The following ZNF875 variants were observed in gnomAD, a reference collection of about 807,000 sequenced individuals.
The protein encoded by ZNF875 is HKR1, GLI-Kruppel zinc finger family member.
A neutral mutation model predicts 11.2 loss-of-function variants in ZNF875; 14 were observed. That is an observed-to-expected ratio of 1.26 (90% confidence interval 0.83 to 1.96). The LOEUF (loss-of-function observed/expected upper bound fraction) is 1.96, where lower values mean the gene tolerates loss of function less well. ZNF875 is among the 30% of genes most tolerant of loss of function. The pLI, the probability that ZNF875 is intolerant of heterozygous loss-of-function variation, is 0.00. For missense variants in ZNF875, 752 were observed against 760.4 expected (o/e 0.99, Z 0.13); for synonymous variants, 301 against 281.1 (o/e 1.07, Z -0.71).
In ZNF875 at chr19:37,362,395, T is replaced by C. The variant is rs756499218; in HGVS notation, c.543T>C (p.Pro181=). ...CTTCAAAGGCACTTTCCAGCCCACCTGAAGAACAACAGCCAGCACAGTCCA... is the reference window on the plus strand; with the variant it reads ...CTTCAAAGGCACTTTCCAGCCCACCCGAAGAACAACAGCCAGCACAGTCCA... ...NGTSKALSSP[P]EEQQPAQSKE... The change falls in exon 5 of 5, where the codon CCT becomes CCC. Residue 181 remains proline, a synonymous_variant. Transcript: ENST00000392153. 1.9e-6 allele frequency: 3 copies of C among 1,614,084 alleles called. No individual in the cohort carries two copies. In the Admixed American group the frequency reaches 5.0e-5, roughly 27 times the overall value.
chr19:37,325,404 GT>G (rs1298476338), intron 4 of ZNF875, among the ~76,000 whole-genome samples: 4 of 152,060 alleles, frequency 2.6e-5, no homozygotes, highest in African/African-American at 9.7e-5. Flanking sequence ...AGACACATAC[GT>G]CATTTTAGAT....
At position 37,362,184 on chromosome 19, in the gene ZNF875, T is replaced by G. The variant is rs200796429; in HGVS notation, c.332T>G (p.Val111Gly). The G allele has an allele frequency of 4.3e-6, 7 of 1,614,092 alleles. No homozygotes were observed. The East Asian group carries it at 1.3e-4, about 31-fold the overall frequency. The change falls in exon 5 of 5, where the codon GTG becomes GGG. Residue 111 changes from valine (V) to glycine (G), a missense_variant. By Grantham distance (109) the Val-to-Gly change is moderately radical (BLOSUM62 -3). Transcript: ENST00000392153. ...FSSQQALSQH[V>G]WLSHLSQLFS... The stretch of plus-strand genomic sequence containing the variant: ...AGTCAGCAAGCTCTCAGCCAACATG[T>G]GTGGCTGAGTCATCTCTCTCAGCTG...
intron 4 of ZNF875, among the ~76,000 whole-genome samples, chr19:37,327,216 C>A (rs1221381714): frequency 6.6e-6 from 1 of 151,820 alleles, no homozygotes; most frequent in Non-Finnish European, 1.5e-5. Context: ...TGGTTTTGAA[C>A]TCCTGACCTC....
chr19:37,362,515 A>G lies in ZNF875; in HGVS notation c.663A>G (p.Ser221=). The change falls in exon 5 of 5, where the codon TCA becomes TCG. Residue 221 remains serine, a synonymous_variant. Coordinates refer to ENST00000392153, the MANE Select transcript of ZNF875 (RefSeq NM_001353803.2). Reference sequence around the variant, plus strand: ...AAGTATTGCATGGTTTAGAAGTCTCAGGATTTGGAGAAATCAAATATGAAG... The same window carrying G: ...AAGTATTGCATGGTTTAGAAGTCTCGGGATTTGGAGAAATCAAATATGAAG... ...TDKVLHGLEV[S]GFGEIKYEEF... is the part of the protein sequence containing the mutation. 1 of 1,614,246 alleles carries G rather than the reference A, an allele frequency of 6.2e-7. No homozygotes were observed.
In ZNF875 at chr19:37,362,308, AGAATGGATT is replaced by A; in HGVS notation, c.457_465del (p.Glu153_Ile155del). 6.2e-7 allele frequency: 1 copy of A among 1,614,196 alleles called. No homozygotes were observed. The highest frequency in any genetic ancestry group is 8.5e-7 in the Non-Finnish European group (1 of 1,180,030). On this transcript the variant is annotated inframe_deletion, in exon 5 of 5. Coordinates refer to ENST00000392153, the MANE Select transcript of ZNF875 (RefSeq NM_001353803.2). ...ATCCATTCTGCTTTAGTGGCAAAGC[AGAATGGATT>A]CAAGAGGGAGAAGACTCCAGACTCC...
chr19:37,329,188 G>C (rs2033000129), intron 4 of ZNF875: 1 of 152,136 alleles, frequency 6.6e-6, no homozygotes, highest in South Asian at 2.1e-4. Flanking sequence ...GGATCCTCCT[G>C]GAATCCCTGA....
rs1265314323 is a variant in ZNF875, at chr19:37,344,854, G to A, written c.34-2336G>A. The A allele has an allele frequency of 5.6e-6, 5 of 900,744 alleles. 1 individual carries two copies. The highest frequency in any genetic ancestry group is 1.8e-5 in the Admixed American group (1 of 56,830). 55.8% of individuals were successfully genotyped at this position (900,744 alleles called of 1,614,324 possible). A position where few individuals can be genotyped will look rare whatever the true frequency, so the allele number is the denominator to read the frequency against. The stretch of plus-strand genomic sequence containing the variant: ...TGGGAGATTTTCAAGGGGTGTATGT[G>A]TGTATGTTCTGAGAAGGGGTTGTAA... On this transcript the variant is annotated intron_variant, in intron 2 of 4. Transcript: ENST00000392153.
upstream of ZNF875, among the ~76,000 whole-genome samples, chr19:37,330,710 T>C (rs1180240808): frequency 1.3e-5 from 2 of 151,946 alleles, no homozygotes; most frequent in Admixed American, 6.6e-5. Flanking sequence ...TCTTGGTTTT[T>C]AGTTTTATTC....
At chr19:37,325,474 C>T (rs1187847578) in intron 4 of ZNF875, among the ~76,000 whole-genome samples, 1 of 152,090 alleles carries the variant, frequency 6.6e-6, no homozygotes, top group Non-Finnish European at 1.5e-5. Context: ...TGTTTTATTT[C>T]ACCTAAAATG....
In ZNF875 at chr19:37,363,881, G is replaced by A. The variant is rs1363151772; in HGVS notation, c.*106G>A. ...GCTGTGGCTTTTTCAGCCATTGCTA[G>A]ATACCAAAGTGGAGACATTCTGTGT... On this transcript the variant is annotated 3_prime_UTR_variant, in exon 5 of 5. Coordinates refer to ENST00000392153, the MANE Select transcript of ZNF875 (RefSeq NM_001353803.2). 2 of 866,222 alleles carry A rather than the reference G, an allele frequency of 2.3e-6. No homozygotes were observed. Among genetic ancestry groups the A allele is most frequent in the East Asian group, 2.6e-5 (1 of 38,612 alleles). 53.7% of individuals were successfully genotyped at this position (866,222 alleles called of 1,614,324 possible).
chr19:37,349,731 A>C (rs1161142551), intron 4 of ZNF875, among the ~76,000 whole-genome samples: 1 of 151,886 alleles, frequency 6.6e-6, no homozygotes, highest in African/African-American at 2.4e-5. Context: ...CTCAGCTCAC[A>C]GCAACCTCTG....
At chr19:37,342,216 C>G (rs2035857013) in intron 2 of ZNF875, among the ~76,000 whole-genome samples, 1 of 152,144 alleles carries the variant, frequency 6.6e-6, no homozygotes. Flanking sequence ...TCGAACTTTA[C>G]TCTGAGTTTA....
intron 4 of ZNF875, among the ~76,000 whole-genome samples, chr19:37,359,188 C>G (rs949954675): frequency 6.6e-6 from 1 of 152,102 alleles, no homozygotes; most frequent in Admixed American, 6.5e-5. Context: ...CGTGAACCGC[C>G]GCACCTGGCC....
chr19:37,314,027 A>G (rs1222932846), upstream of ZNF875, among the ~76,000 whole-genome samples: 1 of 151,976 alleles, frequency 6.6e-6, no homozygotes, highest in African/African-American at 2.4e-5. Context: ...TTATTTATTT[A>G]TTTATTTTGG....
chr19:37,350,236 C>G (rs1000368159), intron 4 of ZNF875, among the ~76,000 whole-genome samples: 3 of 147,890 alleles, frequency 2.0e-5, no homozygotes, highest in Admixed American at 6.7e-5. Flanking sequence ...CTCAGCCTCC[C>G]GAGTAGCTGG....
rs765502082 is a variant in ZNF875, at chr19:37,363,013, A to C, written c.1161A>C (p.Thr387=). 2 of 1,614,260 alleles carry C rather than the reference A, an allele frequency of 1.2e-6. No individual in the cohort carries two copies. Among genetic ancestry groups the C allele is most frequent in the Non-Finnish European group, 1.7e-6 (2 of 1,180,048 alleles). Residue 387 remains threonine (T), a synonymous_variant, in exon 5 of 5, where the codon ACA becomes ACC. Transcript: ENST00000392153. ...CACACCTGGTCAGACACAAGAGGACACATTCAGGAGAGAAGCCTTACATTT... is the reference window on the plus strand; with the variant it reads ...CACACCTGGTCAGACACAAGAGGACCCATTCAGGAGAGAAGCCTTACATTT... ...QHSHLVRHKR[T]HSGEKPYICR...
intron 2 of ZNF875, chr19:37,346,934 G>T (rs916934462): frequency 3.2e-5 from 12 of 374,316 alleles, no homozygotes; most frequent in Middle Eastern, 8.5e-4. Flanking sequence ...CGCAATCTCG[G>T]CTTACCGCAA....
Position 37,318,120 on chromosome 19 carries a change from C to G in ZNF875, c.-813C>G, listed in dbSNP as rs774836043. 2.5e-4 allele frequency: 38 copies of G among 154,156 alleles called. 1 individual carries two copies. Among genetic ancestry groups the G allele is most frequent in the Non-Finnish European group, 8.7e-5 (6 of 68,856 alleles). The allele number at this position is 154,156 out of a possible 1,614,324, so 9.5% of individuals were successfully genotyped here. On this transcript the variant is annotated 5_prime_UTR_variant, in exon 1 of 6. Transcript: ENST00000544914. ...CCCTTCCCCATCCGTCCACCGGACT[C>G]GTGGGCGCCCGCACTGACTGTGATG...
chr19:37,342,742 A>G (rs1254672024), intron 2 of ZNF875, among the ~76,000 whole-genome samples: 1 of 152,018 alleles, frequency 6.6e-6, no homozygotes, highest in Non-Finnish European at 1.5e-5. Context: ...CTTTTTGGAG[A>G]TCTCTTTAGC....
Sources: gnomAD v4.1 joint callset for allele counts (sites outside exome capture counted in the v4.1 genomes callset) on GRCh38, gnomAD v4.1.1 for gene constraint, MANE v1.5 for transcripts, NCBI Gene and HGNC (gene_info 2026-07-23, HGNC 2026-07-21) for gene names.